The following CCNY variants were observed in gnomAD, a reference collection of about 807,000 sequenced individuals.
CCNY encodes cyclin-Y.
In CCNY, 19 loss-of-function variants were observed where a neutral mutation model predicts 42.8. That is an observed-to-expected ratio of 0.44 (90% CI 0.31 to 0.65). The LOEUF is 0.65. Ranked by LOEUF, CCNY falls within the 30% of genes least tolerant of loss-of-function variation. The pLI, the probability that CCNY is intolerant of heterozygous loss-of-function variation, is 0.07. For synonymous variants in CCNY, 165 were observed against 162.7 expected (o/e 1.01, Z -0.11); for missense variants, 370 against 437.3 (o/e 0.85, Z 1.37).
intron 3 of CCNY, among the ~76,000 whole-genome samples, chr10:35,294,658 T>G (rs940593556): frequency 2.0e-5 from 3 of 152,356 alleles, no homozygotes; most frequent in Non-Finnish European, 4.4e-5. Flanking sequence ...TGGTTTCACT[T>G]TTCTAGTATT....
chr10:35,506,322 G>A (rs1000631202), intron 3 of CCNY, among the ~76,000 whole-genome samples: 3 of 152,188 alleles, frequency 2.0e-5, no homozygotes, highest in African/African-American at 7.2e-5. Flanking sequence ...AGATGCTCTG[G>A]TTCTCAGACC....
chr10:35,279,786 T>C (rs989929578), intron 3 of CCNY, among the ~76,000 whole-genome samples: 1 of 152,190 alleles, frequency 6.6e-6, no homozygotes, highest in African/African-American at 2.4e-5. Flanking sequence ...AAGGGCAGCC[T>C]TCCCTGTGAG....
intron 3 of CCNY, among the ~76,000 whole-genome samples, chr10:35,515,782 C>T (rs774284374): frequency 3.3e-5 from 5 of 152,190 alleles, no homozygotes; most frequent in Admixed American, 1.3e-4. Flanking sequence ...TAGGTGTCAT[C>T]AGTGTGTGCT....
At chr10:35,522,054 G>A (rs1163157675) in intron 4 of CCNY, among the ~76,000 whole-genome samples, 1 of 152,126 alleles carries the variant, frequency 6.6e-6, no homozygotes. Context: ...ATTCTCCTTA[G>A]ACTTTTAAAA....
intron 1 of CCNY, among the ~76,000 whole-genome samples, chr10:35,379,765 G>T (rs1250724503): frequency 6.6e-6 from 1 of 152,166 alleles, no homozygotes; most frequent in Non-Finnish European, 1.5e-5. Flanking sequence ...GAATTCTCTC[G>T]TGCTTGCCTT....
intron 2 of CCNY, among the ~76,000 whole-genome samples, chr10:35,498,600 C>T (rs74632384): frequency 0.027 from 4,062 of 152,274 alleles, 93 homozygotes; most frequent in Non-Finnish European, 0.034. Flanking sequence ...AAGTTACCCC[C>T]CAATCCAGGC....
At chr10:35,253,974 C>T (rs1467348383) in intron 3 of CCNY, among the ~76,000 whole-genome samples, 1 of 150,018 alleles carries the variant, frequency 6.7e-6, no homozygotes, top group Non-Finnish European at 1.5e-5. Context: ...CTCCCGGGTT[C>T]ACGCCATTCT....
intron 1 of CCNY, among the ~76,000 whole-genome samples, chr10:35,456,521 T>C (rs902519253): frequency 1.3e-5 from 2 of 152,226 alleles, no homozygotes; most frequent in African/African-American, 4.8e-5. Flanking sequence ...CTTTTCTGAA[T>C]GCAAATCTTG....
rs185901036 is a variant in CCNY at position 35,249,477 on chromosome 10, G to T, written c.-113-1045G>T. ...AAAAATAACTAGAATGATAGAGAAT[G>T]AGTCTTGGTCACATTTTATTTCTTA... On this transcript the variant is annotated intron_variant, in intron 2 of 11. Coordinates refer to the CCNY transcript ENST00000374706. Among the ~76,000 whole-genome samples, 723 of 152,278 alleles carry T rather than the reference G, an allele frequency of 4.7e-3. 49 individuals are homozygous for T. The South Asian group carries it at 0.13, about 27-fold the overall frequency.
intron 1 of CCNY, among the ~76,000 whole-genome samples, chr10:35,365,356 C>T (rs758490491): frequency 4.6e-5 from 7 of 152,184 alleles, no homozygotes; most frequent in Non-Finnish European, 8.8e-5. Flanking sequence ...GCTGTTTTTA[C>T]TGCAGTATTA....
intron 1 of CCNY, among the ~76,000 whole-genome samples, chr10:35,466,518 A>C (rs957702925): frequency 6.6e-6 from 1 of 152,114 alleles, no homozygotes; most frequent in African/African-American, 2.4e-5. Flanking sequence ...TGTGAATTGG[A>C]GAGAGTTCTC....
chr10:35,555,115 CAT>C (rs1167393057), intron 8 of CCNY, among the ~76,000 whole-genome samples: 1 of 152,192 alleles, frequency 6.6e-6, no homozygotes, highest in Non-Finnish European at 1.5e-5. Flanking sequence ...AACCCTGTGA[CAT>C]GTGTACTGAT....
intron 5 of CCNY, among the ~76,000 whole-genome samples, chr10:35,528,820 A>G (rs921637378): frequency 2.0e-5 from 3 of 152,208 alleles, no homozygotes; most frequent in Non-Finnish European, 4.4e-5. Flanking sequence ...ACAGATGGTA[A>G]ATTTCTAAAG....
At chr10:35,356,760 A>G (rs1836559222) in intron 1 of CCNY, among the ~76,000 whole-genome samples, 1 of 152,122 alleles carries the variant, frequency 6.6e-6, no homozygotes, top group East Asian at 1.9e-4. Context: ...GCTTCTTATT[A>G]TGGTTTACTG....
chr10:35,263,918 G>A (rs186913229), intron 3 of CCNY, among the ~76,000 whole-genome samples: 1 of 152,300 alleles, frequency 6.6e-6, no homozygotes, highest in African/African-American at 2.4e-5. Context: ...TCTTCTAAGT[G>A]AGAACATGTG....
chr10:35,336,864 G>A lies in CCNY; in HGVS notation c.-190G>A, dbSNP rs1442838735. On this transcript the variant is annotated 5_prime_UTR_variant, in exon 1 of 10. Transcript: ENST00000374704. ...GCTCGTCGCCGCCGCCGCCGCCGCC[G>A]CCCATGGCGAGGCCCCGCCGCCGCC... 5 of 159,170 alleles carry A rather than the reference G, an allele frequency of 3.1e-5. No individual in the cohort carries two copies. The highest frequency in any genetic ancestry group is 5.1e-5 in the Non-Finnish European group (4 of 77,704). The allele number at this position is 159,170 out of a possible 1,614,324, so 9.9% of individuals were successfully genotyped here.
chr10:35,381,496 G>C (rs996614521), intron 1 of CCNY, among the ~76,000 whole-genome samples: 1 of 151,906 alleles, frequency 6.6e-6, no homozygotes, highest in African/African-American at 2.4e-5. Flanking sequence ...AACCCGGGAG[G>C]TGGAGGTTGC....
At chr10:35,412,238 C>T (rs1044070202) in intron 1 of CCNY, among the ~76,000 whole-genome samples, 3 of 152,082 alleles carry the variant, frequency 2.0e-5, no homozygotes, top group Non-Finnish European at 4.4e-5. Context: ...AGGGAGTGGG[C>T]AGTTGGAAAC....
At chr10:35,398,458 C>A (rs1016337382) in intron 1 of CCNY, among the ~76,000 whole-genome samples, 1 of 152,182 alleles carries the variant, frequency 6.6e-6, no homozygotes, top group African/African-American at 2.4e-5. Context: ...GACTGTGGAG[C>A]CCCATGATTT....
Sources: allele counts gnomAD v4.1 joint callset (sites outside exome capture counted in the v4.1 genomes callset), GRCh38; gene constraint gnomAD v4.1.1; transcripts MANE v1.5; gene names NCBI Gene and HGNC (gene_info 2026-07-23, HGNC 2026-07-21).